Variants in HDGFL2 observed in about 807,000 individuals in gnomAD.
HDGFL2 encodes HDGF like 2, also known as hepatoma-derived growth factor-related protein 2.
In HDGFL2, 36 loss-of-function variants were observed where a neutral mutation model predicts 77.1. That is an observed-to-expected ratio of 0.47 (90% confidence interval 0.36 to 0.62). The LOEUF is 0.62. Among genes scored for constraint, HDGFL2 ranks in the 20% least tolerant of loss-of-function variants. The pLI is 0.00. For synonymous variants in HDGFL2, 463 were observed against 413.1 expected, an observed-to-expected ratio of 1.12 and a Z score of -1.46; for missense variants, 976 against 973.4, an observed-to-expected ratio of 1.00 and a Z score of -0.04.
At chr19:4,499,856 G>A (rs891697226) in intron 14 of HDGFL2, 152 bp downstream of exon 14, 11 of 686,326 alleles carry the variant, frequency 1.6e-5, no homozygotes, top group East Asian at 5.5e-5. Flanking sequence ...GTGCAGACCC[G>A]GCTTTAATCC....
In HDGFL2 at chr19:4,475,522, G is replaced by C. The variant is rs376780327; in HGVS notation, c.227G>C (p.Gly76Ala). Reference protein sequence around the residue: ...DKYGKPNKRKGFNEGLWEIQN... With the variant: ...DKYGKPNKRKAFNEGLWEIQN... ...TACGGGAAGCCCAACAAGAGGAAAG[G>C]CTTCAATGAAGGGCTGTGGGAGATC... Residue 76 changes from glycine to alanine, a missense_variant, in exon 3 of 16, where the codon GGC (glycine) becomes GCC (alanine). Around this residue, in one of 5 missense-constraint regions of HDGFL2, gnomAD observed 103 missense variants for 145.7 expected, o/e 0.71. Transcript: ENST00000616600. 1.4e-5 allele frequency: 23 copies of C among 1,603,026 alleles called. No homozygotes were observed. The highest frequency in any genetic ancestry group is 2.7e-5 in the African/African-American group (2 of 73,780).
chr19:4,493,699 C>A lies in HDGFL2; in HGVS notation c.679-4C>A, dbSNP rs570261239. ...TGCTCACGCCTGTCCCTGCTTCTCCCCAGAAGGCGCCATCAGCCTCCGACT... is the reference window on the plus strand; with the variant it reads ...TGCTCACGCCTGTCCCTGCTTCTCCACAGAAGGCGCCATCAGCCTCCGACT... On this transcript the variant is annotated splice_region_variant and splice_polypyrimidine_tract_variant and intron_variant, in intron 6 of 15. Coordinates refer to ENST00000616600, the MANE Select transcript of HDGFL2 (RefSeq NM_001001520.3). The A allele has an allele frequency of 6.8e-7, 1 of 1,460,256 alleles. No individual in the cohort carries two copies. The highest frequency in any genetic ancestry group is 9.1e-7 in the Non-Finnish European group (1 of 1,099,816). The allele number at this position is 1,460,256 out of a possible 1,614,324, so 90.5% of individuals were successfully genotyped here.
rs10416341 is a variant in HDGFL2, at chr19:4,484,019, G to C, written c.289-4657G>C. Among the ~76,000 whole-genome samples, 336 of 150,858 alleles carry C rather than the reference G, an allele frequency of 2.2e-3. 2 individuals carry two copies. The highest frequency in any genetic ancestry group is 8.0e-3 in the African/African-American group (327 of 40,982). On this transcript the variant is annotated intron_variant, in intron 3 of 15. Transcript: ENST00000616600. The stretch of plus-strand genomic sequence containing the variant: ...TTAGCCAGGATGGTCTTGATCTCCT[G>C]ACCTCGTGATCTGCCTGCCTTGGCC...
chr19:4,501,443 G>A (rs775777149), intron 15 of HDGFL2, 126 bp downstream of exon 15: 90 of 1,170,148 alleles, frequency 7.7e-5, no homozygotes, highest in Non-Finnish European at 9.7e-5. Context: ...GTCCTTACTC[G>A]GGCCTCCCAC....
chr19:4,490,279 G>A (rs1267236414), intron 4 of HDGFL2, among the ~76,000 whole-genome samples: 4 of 152,164 alleles, frequency 2.6e-5, no homozygotes, highest in African/African-American at 9.7e-5. Flanking sequence ...TAGAGACGGG[G>A]TTTCTCCATG....
chr19:4,493,727 G>C lies in HDGFL2; in HGVS notation c.703G>C (p.Asp235His), dbSNP rs765208799. ...KKKAPSASDSDSKADSDGAKP... is the reference protein window; with the variant it reads ...KKKAPSASDSHSKADSDGAKP... ...GAAGGCGCCATCAGCCTCCGACTCCGACTCCAAGGCCGATTCGGACGGGGC... is the reference window on the plus strand; with the variant it reads ...GAAGGCGCCATCAGCCTCCGACTCCCACTCCAAGGCCGATTCGGACGGGGC... Residue 235 changes from aspartate to histidine, a missense_variant, in exon 7 of 16, where the codon GAC becomes CAC. Physicochemically the swap from Asp to His is moderately conservative, Grantham distance 81 (BLOSUM62 -1). Around this residue, in one of 5 missense-constraint regions of HDGFL2, gnomAD observed 567 missense variants for 534.7 expected, o/e 1.06. Coordinates refer to ENST00000616600, the MANE Select transcript of HDGFL2 (RefSeq NM_001001520.3). 6.7e-7 allele frequency: 1 copy of C among 1,489,504 alleles called. No homozygotes were observed. The highest frequency in any genetic ancestry group is 9.0e-7 in the Non-Finnish European group (1 of 1,113,950). The allele number at this position is 1,489,504 out of a possible 1,614,324, so 92.3% of individuals were successfully genotyped here. A position where few individuals can be genotyped will look rare whatever the true frequency, so the allele number is the denominator to read the frequency against.
At chr19:4,488,309 A>G (rs904899473) in intron 3 of HDGFL2, among the ~76,000 whole-genome samples, 2 of 152,150 alleles carry the variant, frequency 1.3e-5, no homozygotes, top group African/African-American at 4.8e-5. Context: ...TGGTCTCGGC[A>G]CTGTCTTAGG....
chr19:4,501,830 G>C, intron 15 of HDGFL2, 81 bp from the exon 16 acceptor site: 1 of 1,055,458 alleles, frequency 9.5e-7, no homozygotes, highest in South Asian at 1.9e-5. Flanking sequence ...TACACTCCTC[G>C]GTGCCCATCC....
intron 3 of HDGFL2, among the ~76,000 whole-genome samples, chr19:4,483,711 C>T (rs1975281846): frequency 6.6e-6 from 1 of 152,014 alleles, no homozygotes; most frequent in African/African-American, 2.4e-5. Context: ...TCCTGGACAC[C>T]ATGCGTGCCC....
intron 3 of HDGFL2, among the ~76,000 whole-genome samples, chr19:4,484,924 G>A (rs1178226816): frequency 6.6e-6 from 1 of 152,000 alleles, no homozygotes; most frequent in Non-Finnish European, 1.5e-5. Flanking sequence ...GCCCGCCTCG[G>A]CCTCCCAAAG....
At chr19:4,492,961 T>TTACC (rs879534524) in intron 6 of HDGFL2, among the ~76,000 whole-genome samples, 26 of 128,102 alleles carry the variant, frequency 2.0e-4, no homozygotes, top group Admixed American at 4.0e-4. Context: ...TGCGTGTGAG[T>TTACC]TGTCTGTGGT....
At chr19:4,497,772 G>A (rs539989177) in intron 10 of HDGFL2, 186 bp from the exon 11 acceptor site, 6 of 585,538 alleles carry the variant, frequency 1.0e-5, no homozygotes, top group East Asian at 8.6e-5. Context: ...CGAGCCTGTG[G>A]CTGCCCTGGT....
intron 10 of HDGFL2, chr19:4,497,216 G>C (rs1975728895): frequency 2.3e-6 from 1 of 443,294 alleles, no homozygotes; most frequent in Admixed American, 2.4e-5. Flanking sequence ...TTTTGAGACA[G>C]AGTCTTGGGC....
chr19:4,501,709 C>A, intron 15 of HDGFL2: 1 of 525,748 alleles, frequency 1.9e-6, no homozygotes, highest in South Asian at 3.0e-5. Context: ...CTGCCTTGTG[C>A]TATGCCTGGC....
At chr19:4,497,631 T>G in intron 10 of HDGFL2, 1 of 399,600 alleles carries the variant, frequency 2.5e-6, no homozygotes, top group East Asian at 5.2e-5. Context: ...CCTGCACGCG[T>G]GTCACCCTTG....
chr19:4,481,996 C>T (rs1195407524), intron 3 of HDGFL2, among the ~76,000 whole-genome samples: 4 of 144,608 alleles, frequency 2.8e-5, no homozygotes, highest in African/African-American at 1.0e-4. Context: ...CACTCTCAGC[C>T]GGGGGGACTG....
At chr19:4,493,944 C>T in intron 7 of HDGFL2, 38 bp from the exon 8 acceptor site, 1 of 1,579,850 alleles carries the variant, frequency 6.3e-7, no homozygotes, top group South Asian at 1.2e-5. Context: ...CCTTGGAGCC[C>T]TGGAAGGGAA....
chr19:4,483,415 C>G (rs1975273501), intron 3 of HDGFL2, among the ~76,000 whole-genome samples: 1 of 152,214 alleles, frequency 6.6e-6, no homozygotes, highest in Non-Finnish European at 1.5e-5. Flanking sequence ...CCGAGGTTCC[C>G]TCCTGTGGTT....
intron 6 of HDGFL2, among the ~76,000 whole-genome samples, 190 bp from the exon 7 acceptor site, chr19:4,493,513 G>A (rs971013308): frequency 6.6e-6 from 1 of 152,100 alleles, no homozygotes; most frequent in African/African-American, 2.4e-5. Flanking sequence ...GCCCAGGGCC[G>A]CCTGGGATCC....
Sources: gnomAD v4.1 joint callset for allele counts (sites outside exome capture counted in the v4.1 genomes callset) on GRCh38, gnomAD v4.1.1 for gene constraint, gnomAD v4.1.1 regional missense constraint, MANE v1.5 for transcripts, NCBI Gene and HGNC (gene_info 2026-07-23, HGNC 2026-07-21) for gene names.